The following KCNC2 variants were observed in gnomAD, a reference collection of about 807,000 sequenced individuals.
KCNC2 encodes potassium voltage-gated channel subfamily C member 2.
In KCNC2, 21 loss-of-function variants were observed where a neutral mutation model predicts 44.5. The ratio of observed to expected loss-of-function variants is 0.47; its 90% CI spans 0.33 to 0.68. The LOEUF is 0.68. Ranked by LOEUF, KCNC2 falls within the 30% of genes least tolerant of loss-of-function variation. KCNC2 has a pLI of 0.01. For missense variants in KCNC2, 589 were observed against 826.2 expected (o/e 0.71, Z 3.52); for synonymous variants, 391 against 339.1 (o/e 1.15, Z -1.68).
At chr12:75,049,307 T>C (rs1185657835) in intron 3 of KCNC2, among the ~76,000 whole-genome samples, 3 of 152,156 alleles carry the variant, frequency 2.0e-5, no homozygotes, top group Non-Finnish European at 4.4e-5. Context: ...GCTTTGTTAG[T>C]TGATGTTACT....
At chr12:75,059,728 T>C (rs961109706) in intron 2 of KCNC2, among the ~76,000 whole-genome samples, 1 of 152,070 alleles carries the variant, frequency 6.6e-6, no homozygotes, top group African/African-American at 2.4e-5. Flanking sequence ...TTCAATACAA[T>C]TGGCTGCTTT....
intron 2 of KCNC2, among the ~76,000 whole-genome samples, chr12:75,162,100 A>G (rs1891158864): frequency 6.6e-6 from 1 of 151,328 alleles, no homozygotes; most frequent in Admixed American, 6.6e-5. Context: ...TCACATTCTC[A>G]TTTTCTCCCT....
chr12:75,195,346 C>T (rs2030670486), intron 2 of KCNC2, among the ~76,000 whole-genome samples: 1 of 151,794 alleles, frequency 6.6e-6, no homozygotes, highest in Non-Finnish European at 1.5e-5. Context: ...GTAGTTTATA[C>T]AGAAATATAA....
chr12:75,197,485 A>G (rs144888651), intron 2 of KCNC2, among the ~76,000 whole-genome samples: 3 of 152,164 alleles, frequency 2.0e-5, no homozygotes, highest in Admixed American at 6.6e-5. Context: ...CTGTGGGTCT[A>G]CACTATATCA....
At chr12:75,103,792 C>G (rs1173983067) in intron 2 of KCNC2, among the ~76,000 whole-genome samples, 10 of 152,138 alleles carry the variant, frequency 6.6e-5, no homozygotes, top group Non-Finnish European at 1.3e-4. Context: ...AAGTTAGACA[C>G]AGTAAGAGAT....
At chr12:75,170,905 G>A (rs546118229) in intron 2 of KCNC2, among the ~76,000 whole-genome samples, 2 of 151,846 alleles carry the variant, frequency 1.3e-5, no homozygotes, top group South Asian at 4.1e-4. Context: ...TTGGGGGCGG[G>A]TGTACTCTTC....
intron 2 of KCNC2, among the ~76,000 whole-genome samples, chr12:75,105,316 G>A (rs575022018): frequency 6.6e-6 from 1 of 152,130 alleles, no homozygotes; most frequent in Non-Finnish European, 1.5e-5. Context: ...GAATTACATA[G>A]TAAGAAGTCC....
At chr12:75,094,555 T>A (rs909524014) in intron 2 of KCNC2, among the ~76,000 whole-genome samples, 1 of 151,790 alleles carries the variant, frequency 6.6e-6, no homozygotes, top group Non-Finnish European at 1.5e-5. Context: ...TTTTGCATTT[T>A]CCTTTAAATT....
At chr12:75,180,905 C>G (rs1892527223) in intron 2 of KCNC2, among the ~76,000 whole-genome samples, 1 of 151,810 alleles carries the variant, frequency 6.6e-6, no homozygotes, top group Non-Finnish European at 1.5e-5. Context: ...CCATAGTTAG[C>G]ATTTTTGATA....
At chr12:75,186,607 T>C (rs1892972378) in intron 2 of KCNC2, among the ~76,000 whole-genome samples, 1 of 152,220 alleles carries the variant, frequency 6.6e-6, no homozygotes, top group Non-Finnish European at 1.5e-5. Flanking sequence ...TCATATTTAA[T>C]AAACTTTCTT....
chr12:75,202,690 T>C (rs1025402110), intron 2 of KCNC2, among the ~76,000 whole-genome samples: 16 of 151,728 alleles, frequency 1.1e-4, no homozygotes, highest in African/African-American at 3.6e-4. Context: ...ATAAAGAATT[T>C]AAGAGCCTAA....
chr12:75,166,485 A>T (rs145644822), intron 2 of KCNC2, among the ~76,000 whole-genome samples: 2 of 151,130 alleles, frequency 1.3e-5, no homozygotes, highest in Non-Finnish European at 3.0e-5. Flanking sequence ...TCTATAAAAC[A>T]TTCCACCAAC....
chr12:75,139,104 A>G (rs1889459657), intron 2 of KCNC2, among the ~76,000 whole-genome samples: 1 of 152,112 alleles, frequency 6.6e-6, no homozygotes, highest in South Asian at 2.1e-4. Context: ...AAGGCATTCT[A>G]GCATGAGGTC....
chr12:75,208,298 C>T (rs1593105222), intron 1 of KCNC2, among the ~76,000 whole-genome samples: 2 of 152,256 alleles, frequency 1.3e-5, no homozygotes, highest in East Asian at 3.9e-4. Flanking sequence ...TCTTCACCTT[C>T]ATCTTTTCAC....
chr12:75,042,107 ATTAAT>A lies in KCNC2; in HGVS notation c.*993_*997del. ...GTGACATTTGATGTTTGCACAAAAA[ATTAAT>A]AAATAAAAATAAAATAAGGGGGTAA... On this transcript the variant is annotated 3_prime_UTR_variant, in exon 5 of 5. Transcript: ENST00000549446. 8.0e-7 allele frequency: 1 copy of A among 1,244,630 alleles called. No individual in the cohort carries two copies. 77.1% of individuals were successfully genotyped at this position (1,244,630 alleles called of 1,614,324 possible).
chr12:75,042,643 T>TG lies in KCNC2; in HGVS notation c.*461_*462insC, dbSNP rs1880044079. 1.6e-6 allele frequency: 2 copies of TG among 1,237,740 alleles called. No individual in the cohort carries two copies. The highest frequency in any genetic ancestry group is 7.5e-5 in the East Asian group (2 of 26,610). The allele number at this position is 1,237,740 out of a possible 1,614,324, so 76.7% of individuals were successfully genotyped here. On this transcript the variant is annotated 3_prime_UTR_variant, in exon 5 of 5. Coordinates refer to ENST00000549446, the MANE Select transcript of KCNC2 (RefSeq NM_139137.4). ...ACTCTGCAACATTGCTTTCAGGTGA[T>TG]AGAGACAAGATGGTCCATGCAAATG...
chr12:75,186,241 C>T (rs552934931), intron 2 of KCNC2, among the ~76,000 whole-genome samples: 13 of 152,080 alleles, frequency 8.5e-5, no homozygotes, highest in African/African-American at 3.1e-4. Context: ...ACATCTGGTG[C>T]ATTTTGAAGA....
chr12:75,098,365 T>C (rs1361629423), intron 2 of KCNC2, among the ~76,000 whole-genome samples: 1 of 152,190 alleles, frequency 6.6e-6, no homozygotes, highest in Admixed American at 6.6e-5. Flanking sequence ...ATTTAGGTTT[T>C]GTTTCCATAG....
chr12:75,176,435 T>G (rs1892187370), intron 2 of KCNC2, among the ~76,000 whole-genome samples: 1 of 151,916 alleles, frequency 6.6e-6, no homozygotes, highest in Non-Finnish European at 1.5e-5. Flanking sequence ...AAAGTTGAAG[T>G]CCTTGCAATG....
Sources: gnomAD v4.1 joint callset for allele counts (sites outside exome capture counted in the v4.1 genomes callset) on GRCh38, gnomAD v4.1.1 for gene constraint, MANE v1.5 for transcripts, NCBI Gene and HGNC (gene_info 2026-07-23, HGNC 2026-07-21) for gene names.